AMPH: variants seen among roughly 807,000 people sequenced by gnomAD.
The protein encoded by AMPH is amphiphysin.
In AMPH, 49 loss-of-function variants were observed where a neutral mutation model predicts 99.1. That is an observed-to-expected ratio of 0.49 (90% CI 0.39 to 0.63). The LOEUF is 0.63. Ranked by LOEUF, AMPH falls within the 20% of genes least tolerant of loss-of-function variation. The pLI, the probability that AMPH is intolerant of heterozygous loss-of-function variation, is 0.00. For missense variants in AMPH, 759 were observed against 863.4 expected (o/e 0.88, Z 1.52); for synonymous variants, 314 against 317.3 (o/e 0.99, Z 0.11).
At chr7:38,605,727 C>T (rs564213064) in intron 1 of AMPH, among the ~76,000 whole-genome samples, 1 of 152,200 alleles carries the variant, frequency 6.6e-6, no homozygotes, top group East Asian at 1.9e-4. Context: ...AGGTGCCCAC[C>T]ACCATGCCCA....
chr7:38,590,879 A>G (rs114491863), intron 1 of AMPH, among the ~76,000 whole-genome samples: 224 of 152,362 alleles, frequency 1.5e-3, no homozygotes, highest in African/African-American at 5.1e-3. Flanking sequence ...AAAGACTAAT[A>G]TAACTTTCAT....
intron 14 of AMPH, among the ~76,000 whole-genome samples, chr7:38,427,498 T>C (rs1785823898): frequency 6.6e-6 from 1 of 152,218 alleles, no homozygotes; most frequent in Non-Finnish European, 1.5e-5. Flanking sequence ...ACATTTTTAG[T>C]ACCTGCATAG....
chr7:38,620,340 GTGTGTGTGTGTGTGTGTGTGTGTC>G (rs1407846921), intron 1 of AMPH, among the ~76,000 whole-genome samples: 18 of 32,804 alleles, frequency 5.5e-4, no homozygotes, highest in African/African-American at 2.0e-3. Flanking sequence ...ATATATATGT[GTGTGTGTGTGTGTGTGTGTGTGTC>G]TGTGTGTGTG....
intron 1 of AMPH, among the ~76,000 whole-genome samples, chr7:38,559,626 G>T (rs1791487756): frequency 6.6e-6 from 1 of 152,182 alleles, no homozygotes; most frequent in South Asian, 2.1e-4. Context: ...CAAAAACGGT[G>T]CTGCATGCTT....
At chr7:38,433,757 T>TCATAAAAG (rs998984717) in intron 12 of AMPH, among the ~76,000 whole-genome samples, 7 of 140,506 alleles carry the variant, frequency 5.0e-5, no homozygotes, top group African/African-American at 1.9e-4. Context: ...GAATCAAAGA[T>TCATAAAAG]CATAAAAGCT....
At chr7:38,393,551 T>A (rs1393079886) in intron 18 of AMPH, among the ~76,000 whole-genome samples, 3 of 152,214 alleles carry the variant, frequency 2.0e-5, no homozygotes, top group Admixed American at 6.5e-5. Context: ...TGGTGGGCTC[T>A]TGGTAAAAGG....
rs115320477 is a variant in AMPH, at chr7:38,544,349, C to T, written c.70-9338G>A. 5.5e-3 allele frequency among the ~76,000 whole-genome samples: 831 copies of T among 152,286 alleles called. 6 individuals carry two copies. Among genetic ancestry groups the T allele is most frequent in the African/African-American group, 0.019 (791 of 41,556 alleles). ...ATGAGCAAAAGGCCAAAGAGGACAT[C>T]CCCTCCTTGTAAGAATATTATGGAT... On this transcript the variant is annotated intron_variant, in intron 1 of 20. Coordinates refer to ENST00000356264, the MANE Select transcript of AMPH (RefSeq NM_001635.4).
chr7:38,460,168 T>C (rs1239759158), intron 11 of AMPH, among the ~76,000 whole-genome samples: 3 of 152,072 alleles, frequency 2.0e-5, no homozygotes, highest in Non-Finnish European at 4.4e-5. Context: ...AGAATGGCTA[T>C]TATTAAAAGA....
At chr7:38,416,102 AATATATATATATAT>A (rs5883648) in intron 17 of AMPH, among the ~76,000 whole-genome samples, 3,452 of 100,516 alleles carry the variant, frequency 0.034, 294 homozygotes, top group African/African-American at 0.12. Flanking sequence ...CAAACATATG[AATATATATATATAT>A]ATATATATAT....
At chr7:38,439,129 T>C (rs556293937) in intron 11 of AMPH, among the ~76,000 whole-genome samples, 1 of 152,350 alleles carries the variant, frequency 6.6e-6, no homozygotes, top group South Asian at 2.1e-4. Context: ...CCATTTAAGA[T>C]GTGCCTTGCT....
intron 1 of AMPH, among the ~76,000 whole-genome samples, chr7:38,589,073 A>C (rs1792765047): frequency 6.6e-6 from 1 of 152,240 alleles, no homozygotes; most frequent in Admixed American, 6.5e-5. Flanking sequence ...ATTCTTTAGA[A>C]TAGAAAATAC....
At chr7:38,565,329 A>G (rs1452842983) in intron 1 of AMPH, among the ~76,000 whole-genome samples, 1 of 152,146 alleles carries the variant, frequency 6.6e-6, no homozygotes, top group Non-Finnish European at 1.5e-5. Context: ...ATAACAAAAT[A>G]CCACAGACTG....
chr7:38,602,174 G>A (rs1007751165), intron 1 of AMPH, among the ~76,000 whole-genome samples: 2 of 152,142 alleles, frequency 1.3e-5, no homozygotes, highest in Admixed American at 1.3e-4. Flanking sequence ...CGCCAATAAG[G>A]GGGATGAGAC....
chr7:38,429,819 G>C (rs1785935067), intron 14 of AMPH, 23 bp downstream of exon 14: 1 of 1,599,464 alleles, frequency 6.3e-7, no homozygotes, highest in Admixed American at 1.8e-5. Flanking sequence ...AAAAAATCCA[G>C]AATGATCTGG....
intron 17 of AMPH, among the ~76,000 whole-genome samples, chr7:38,407,048 C>CTCTATATATA (rs1241166935): frequency 3.2e-5 from 1 of 31,264 alleles, no homozygotes; most frequent in Non-Finnish European, 6.1e-5. Flanking sequence ...CTCTCTCTCT[C>CTCTATATATA]TATATATATA....
At chr7:38,534,889 T>C in intron 2 of AMPH, 42 bp downstream of exon 2, 1 of 1,553,046 alleles carries the variant, frequency 6.4e-7, no homozygotes, top group Non-Finnish European at 8.9e-7. Context: ...ACAAACACAT[T>C]TAAACAATTT....
At chr7:38,629,348 G>T (rs574138031) in intron 1 of AMPH, among the ~76,000 whole-genome samples, 1 of 152,042 alleles carries the variant, frequency 6.6e-6, no homozygotes, top group South Asian at 2.1e-4. Flanking sequence ...TACTAGGTGC[G>T]GCAGGCACTT....
intron 11 of AMPH, among the ~76,000 whole-genome samples, chr7:38,439,076 T>A (rs1449331896): frequency 6.6e-6 from 1 of 152,090 alleles, no homozygotes; most frequent in African/African-American, 2.4e-5. Context: ...GAGTTGATGG[T>A]TTTAAAGTGT....
chr7:38,572,710 G>C lies in AMPH; in HGVS notation c.70-37699C>G, dbSNP rs114965443. 3.9e-3 allele frequency among the ~76,000 whole-genome samples: 588 copies of C among 152,306 alleles called. 6 individuals are homozygous for C. The highest frequency in any genetic ancestry group is 0.013 in the African/African-American group (557 of 41,560). On this transcript the variant is annotated intron_variant, in intron 1 of 20. Transcript: ENST00000356264. Reference sequence around the variant, plus strand: ...AGCCACCCAATGTGAAGTGGGAGCAGGAGGAAGACCTTGTTTTCTCACTTC... The same window carrying C: ...AGCCACCCAATGTGAAGTGGGAGCACGAGGAAGACCTTGTTTTCTCACTTC...
Sources: allele counts gnomAD v4.1 joint callset (sites outside exome capture counted in the v4.1 genomes callset), GRCh38; gene constraint gnomAD v4.1.1; transcripts MANE v1.5; gene names NCBI Gene and HGNC (gene_info 2026-07-23, HGNC 2026-07-21).